FIG4: variants seen among roughly 807,000 people sequenced by gnomAD.
FIG4 encodes polyphosphoinositide phosphatase.
In FIG4, 112 loss-of-function variants were observed where a neutral mutation model predicts 118.6. The ratio of observed to expected loss-of-function variants is 0.94; its 90% CI spans 0.81 to 1.11. The LOEUF (loss-of-function observed/expected upper bound fraction) is 1.11, where lower values mean the gene tolerates loss of function less well. FIG4 is among the 50% of genes least tolerant of loss of function. The pLI is 0.00. For missense variants in FIG4, 969 were observed against 1,111.7 expected (o/e 0.87, Z 1.83); for synonymous variants, 369 against 381.2 (o/e 0.97, Z 0.37).
chr6:109,695,607 C>G (rs1027799214), intron 1 of FIG4, among the ~76,000 whole-genome samples: 70 of 152,076 alleles, frequency 4.6e-4, no homozygotes, highest in Middle Eastern at 3.4e-3. Flanking sequence ...CACAGACACA[C>G]ACACACACAC....
chr6:109,762,514 A>G (rs186875032), intron 12 of FIG4, among the ~76,000 whole-genome samples: 70 of 151,184 alleles, frequency 4.6e-4, no homozygotes, highest in African/African-American at 1.7e-3. Flanking sequence ...AGAAACAGAC[A>G]TTTTTTTCTT....
At chr6:109,760,519 G>T in intron 11 of FIG4, 136 bp downstream of exon 11, 2 of 813,008 alleles carry the variant, frequency 2.5e-6, no homozygotes, top group Middle Eastern at 2.3e-4. Flanking sequence ...GCTGTTTTGA[G>T]TGCATCAAGA....
Position 109,693,581 on chromosome 6 carries a change from T to C in FIG4, c.66+2080T>C, listed in dbSNP as rs149217105. 3.2e-4 allele frequency among the ~76,000 whole-genome samples: 48 copies of C among 152,318 alleles called. No individual in the cohort carries two copies. In the East Asian group the frequency reaches 9.0e-3, roughly 29 times the overall value. On this transcript the variant is annotated intron_variant, in intron 1 of 22. Coordinates refer to ENST00000230124, the MANE Select transcript of FIG4 (RefSeq NM_014845.6). The stretch of plus-strand genomic sequence containing the variant: ...GGATGCTAGGGGAGCCATTGCATGG[T>C]ATCCAGCTTCTGGAAAAGCAGGAAA...
intron 5 of FIG4, among the ~76,000 whole-genome samples, chr6:109,733,008 GT>G (rs1287460465): frequency 6.6e-6 from 1 of 152,010 alleles, no homozygotes; most frequent in Non-Finnish European, 1.5e-5. Flanking sequence ...TGTAATAAGA[GT>G]TGTAACAATT....
At position 109,795,799 on chromosome 6, in the gene FIG4, C is replaced by T. The variant is rs867825859; in HGVS notation, c.2460-966C>T. On this transcript the variant is annotated intron_variant, in intron 21 of 22. Coordinates refer to ENST00000230124, the MANE Select transcript of FIG4 (RefSeq NM_014845.6). ...TGTGTTTTTAGTAGAGATGGGGTTT[C>T]ACCGTGTTAGCCAGGATGGTCTCGA... 2.2e-4 allele frequency among the ~76,000 whole-genome samples: 33 copies of T among 152,026 alleles called. 1 individual carries two copies. In the South Asian group the frequency reaches 2.9e-3, roughly 13 times the overall value.
At position 109,764,400 on chromosome 6, in the gene FIG4, T is replaced by G. The variant is rs181268983; in HGVS notation, c.1434+418T>G. ...TTGCAGTGAGGCGAGATCATGCCAC[T>G]GCACTCCAGCCTGGGTGACAGAGCA... is the stretch of plus-strand genomic sequence containing the variant. On this transcript the variant is annotated intron_variant, in intron 13 of 22. Transcript: ENST00000230124. Among the ~76,000 whole-genome samples the G allele has an allele frequency of 4.5e-3, 674 of 149,536 alleles. 9 individuals carry two copies. The highest frequency in any genetic ancestry group is 5.7e-3 in the Non-Finnish European group (388 of 67,724).
chr6:109,758,804 A>T (rs1373839547), intron 10 of FIG4, among the ~76,000 whole-genome samples: 1 of 152,238 alleles, frequency 6.6e-6, no homozygotes, highest in Non-Finnish European at 1.5e-5. Context: ...ATGAACAGAC[A>T]CTTCTCAAAA....
chr6:109,704,213 C>T (rs757566537), intron 1 of FIG4, among the ~76,000 whole-genome samples: 24 of 152,228 alleles, frequency 1.6e-4, no homozygotes, highest in Non-Finnish European at 3.1e-4. Context: ...CTGATCCCAT[C>T]TACCAGTAAG....
Position 109,711,227 on chromosome 6 carries a change from G to A in FIG4, c.67-3851G>A, listed in dbSNP as rs140882482. Among the ~76,000 whole-genome samples the A allele has an allele frequency of 4.0e-4, 61 of 152,134 alleles. No homozygotes were observed. In the East Asian group the frequency reaches 9.9e-3, roughly 25 times the overall value. The stretch of plus-strand genomic sequence containing the variant: ...ATCTTGGCTAACACGGTGAAACCCC[G>A]TCTCTACTAAACAAAATAAAAAAAA... On this transcript the variant is annotated intron_variant, in intron 1 of 22. Transcript: ENST00000230124.
intron 3 of FIG4, 47 bp from the exon 4 acceptor site, chr6:109,727,062 A>G (rs369838598): frequency 7.6e-6 from 11 of 1,455,016 alleles, no homozygotes; most frequent in Non-Finnish European, 9.6e-6. Flanking sequence ...TCTAAAAGCC[A>G]TTACTAAGTT....
At chr6:109,791,654 A>C in intron 20 of FIG4, 83 bp downstream of exon 20, 1 of 1,239,192 alleles carries the variant, frequency 8.1e-7, no homozygotes. Context: ...TAAAAGGCTG[A>C]GAGCAAGAAA....
chr6:109,765,235 A>C, intron 14 of FIG4, 74 bp downstream of exon 14: 1 of 1,263,208 alleles, frequency 7.9e-7, no homozygotes, highest in Non-Finnish European at 1.2e-6. Context: ...AGATTTTTTT[A>C]TGAAAGCGTT....
chr6:109,783,456 C>T (rs947354412), intron 16 of FIG4, among the ~76,000 whole-genome samples: 1 of 152,138 alleles, frequency 6.6e-6, no homozygotes, highest in African/African-American at 2.4e-5. Context: ...CTGGGTTGTA[C>T]ACAGTTCCCT....
chr6:109,802,958 C>T (rs974250822), intron 22 of FIG4, among the ~76,000 whole-genome samples: 2 of 152,044 alleles, frequency 1.3e-5, no homozygotes, highest in South Asian at 4.1e-4. Flanking sequence ...TTGGTGAGTA[C>T]AAAGCATATC....
At chr6:109,748,005 T>A (rs1019562872) in intron 10 of FIG4, among the ~76,000 whole-genome samples, 10 of 152,102 alleles carry the variant, frequency 6.6e-5, no homozygotes, top group Admixed American at 3.3e-4. Context: ...ATGTGTGTAT[T>A]TGTGAGCATG....
chr6:109,717,306 CT>C (rs1775464177), intron 3 of FIG4, among the ~76,000 whole-genome samples: 5 of 152,144 alleles, frequency 3.3e-5, no homozygotes, highest in Admixed American at 2.0e-4. Flanking sequence ...TAAATATCAC[CT>C]TGCTTTGGTT....
At chr6:109,808,714 T>C (rs1216243499) in intron 22 of FIG4, among the ~76,000 whole-genome samples, 1 of 152,194 alleles carries the variant, frequency 6.6e-6, no homozygotes, top group African/African-American at 2.4e-5. Flanking sequence ...TTTTCAAAAA[T>C]GAACAAAGTA....
chr6:109,734,801 C>T (rs1776112482), intron 5 of FIG4, among the ~76,000 whole-genome samples: 1 of 152,010 alleles, frequency 6.6e-6, no homozygotes. Context: ...CTATAAAACC[C>T]CATACAGATT....
At chr6:109,699,203 T>C (rs572516802) in intron 1 of FIG4, among the ~76,000 whole-genome samples, 7 of 152,230 alleles carry the variant, frequency 4.6e-5, no homozygotes, top group Non-Finnish European at 1.0e-4. Flanking sequence ...TGACAAATTA[T>C]ATTTTTCCAG....
Sources: allele counts gnomAD v4.1 joint callset (sites outside exome capture counted in the v4.1 genomes callset), GRCh38; gene constraint gnomAD v4.1.1; transcripts MANE v1.5; gene names NCBI Gene and HGNC (gene_info 2026-07-23, HGNC 2026-07-21).